Variants in NELL2 observed in about 807,000 individuals in gnomAD.
NELL2 encodes neural EGFL like 2, also known as protein kinase C-binding protein NELL2.
A neutral mutation model predicts 109.6 loss-of-function variants in NELL2; 41 were observed. That is an observed-to-expected ratio of 0.37 (90% CI 0.29 to 0.49). The LOEUF is 0.49. Among genes scored for constraint, NELL2 ranks in the 20% least tolerant of loss-of-function variants. NELL2 has a pLI of 0.98. For missense variants in NELL2, 900 were observed against 1,008.3 expected, an observed-to-expected ratio of 0.89 and a Z score of 1.45; for synonymous variants, 355 against 344.7, an observed-to-expected ratio of 1.03 and a Z score of -0.33.
intron 15 of NELL2, among the ~76,000 whole-genome samples, chr12:44,576,543 T>C (rs547885461): frequency 9.6e-5 from 13 of 135,454 alleles, no homozygotes; most frequent in East Asian, 2.0e-4. Flanking sequence ...TACCTTCTCT[T>C]TTTTTTTTTT....
At chr12:44,862,347 C>A (rs1025914716) in intron 2 of NELL2, among the ~76,000 whole-genome samples, 1 of 152,152 alleles carries the variant, frequency 6.6e-6, no homozygotes, top group Non-Finnish European at 1.5e-5. Flanking sequence ...AGTGGTATTT[C>A]CATTTAAAAA....
In NELL2 at chr12:44,665,527, G is replaced by C. The variant is rs138454729; in HGVS notation, c.1401C>G (p.Ile467Met). Residue 467 changes from isoleucine (I) to methionine (M), a missense_variant, in exon 13 of 20, where the codon ATC (isoleucine) becomes ATG (methionine). Ile to Met is a conservative substitution (Grantham distance 10, BLOSUM62 1). This residue lies in a region of NELL2 where 292 missense variants were observed against 265.3 expected (regional missense o/e 1.10). Coordinates refer to ENST00000429094, the MANE Select transcript of NELL2 (RefSeq NM_001145108.2). ...CVNTPGSFMC[I>M]CKTGYIRIDD... ...CAATTCTGATGTATCCAGTTTTGCA[G>C]ATGCACATAAAAGAACCCGGGGTGT... 2,684 of 1,613,584 alleles carry C rather than the reference G, an allele frequency of 1.7e-3. 4 individuals carry two copies. The highest frequency in any genetic ancestry group is 4.1e-3 in the Admixed American group (244 of 60,002).
chr12:44,517,477 C>T lies in NELL2; in HGVS notation c.2400+2528G>A, dbSNP rs147029812. On this transcript the variant is annotated intron_variant, in intron 19 of 19. Coordinates refer to ENST00000429094, the MANE Select transcript of NELL2 (RefSeq NM_001145108.2). ...CCCGAAGCAGACCATGGTACTGTTT[C>T]CTATAGACCCTGCAGAACTGTAAGC... Among the ~76,000 whole-genome samples, 368 of 149,860 alleles carry T rather than the reference C, an allele frequency of 2.5e-3. 1 individual carries two copies. The highest frequency in any genetic ancestry group is 8.4e-3 in the African/African-American group (345 of 40,998).
intron 2 of NELL2, among the ~76,000 whole-genome samples, chr12:44,872,571 G>A (rs1945193950): frequency 6.6e-6 from 1 of 152,066 alleles, no homozygotes; most frequent in Admixed American, 6.6e-5. Flanking sequence ...ACAAGGAAAA[G>A]CAATATTAAA....
At chr12:44,538,403 T>C (rs1165673039) in intron 15 of NELL2, among the ~76,000 whole-genome samples, 1 of 152,222 alleles carries the variant, frequency 6.6e-6, no homozygotes, top group African/African-American at 2.4e-5. Context: ...GCACATTCCA[T>C]GCCCATCTCC....
intron 3 of NELL2, among the ~76,000 whole-genome samples, chr12:44,813,405 A>G (rs11182696): frequency 0.015 from 2,274 of 152,300 alleles, 57 homozygotes; most frequent in African/African-American, 0.053. Context: ...TAATATCTAC[A>G]TAATTTATAA....
At chr12:44,835,401 C>T (rs988960626) in intron 2 of NELL2, among the ~76,000 whole-genome samples, 3 of 152,174 alleles carry the variant, frequency 2.0e-5, no homozygotes, top group Admixed American at 6.5e-5. Flanking sequence ...AGAGCAGAAA[C>T]GGTGCAGCAG....
rs144936197 is a variant in NELL2 at position 44,799,684 on chromosome 12, G to A, written c.335+16302C>T. Among the ~76,000 whole-genome samples, 25 of 152,186 alleles carry A rather than the reference G, an allele frequency of 1.6e-4. No individual in the cohort carries two copies. The East Asian group carries it at 4.8e-3, about 29-fold the overall frequency. On this transcript the variant is annotated intron_variant, in intron 3 of 19. Transcript: ENST00000429094. ...TGTTCATTTAAATATAAGTACTAGTGGTCCTATTCTGAAGGGTTTTCAGGT... is the reference window on the plus strand; with the variant it reads ...TGTTCATTTAAATATAAGTACTAGTAGTCCTATTCTGAAGGGTTTTCAGGT...
chr12:44,615,748 G>A (rs1386873418), intron 13 of NELL2, among the ~76,000 whole-genome samples: 1 of 151,922 alleles, frequency 6.6e-6, no homozygotes, highest in East Asian at 1.9e-4. Context: ...TCTCTTTACT[G>A]TATTTTATAC....
chr12:44,729,345 T>G (rs1228442195), intron 9 of NELL2, among the ~76,000 whole-genome samples: 2 of 151,910 alleles, frequency 1.3e-5, no homozygotes, highest in South Asian at 4.2e-4. Flanking sequence ...TTCCTATTGA[T>G]GATACACAAA....
At chr12:44,563,266 A>G (rs1268269862) in intron 15 of NELL2, among the ~76,000 whole-genome samples, 1 of 152,150 alleles carries the variant, frequency 6.6e-6, no homozygotes, top group Non-Finnish European at 1.5e-5. Context: ...ATACCTATGT[A>G]ACAAACCTGC....
At chr12:44,513,513 C>A (rs570526792) in intron 19 of NELL2, among the ~76,000 whole-genome samples, 6 of 151,644 alleles carry the variant, frequency 4.0e-5, no homozygotes, top group African/African-American at 1.2e-4. Flanking sequence ...TAAATATGCT[C>A]AAAAATGTTA....
intron 9 of NELL2, among the ~76,000 whole-genome samples, chr12:44,754,460 T>C (rs1378390734): frequency 6.6e-6 from 1 of 152,210 alleles, no homozygotes; most frequent in Admixed American, 6.5e-5. Flanking sequence ...TACATTCAGA[T>C]AAATGCCAAG....
intron 2 of NELL2, among the ~76,000 whole-genome samples, chr12:44,863,326 G>C (rs1944896553): frequency 1.3e-5 from 2 of 152,112 alleles, no homozygotes; most frequent in Non-Finnish European, 2.9e-5. Context: ...TCTTCAATCA[G>C]ATTCAATCCA....
chr12:44,826,723 A>G (rs1003234886), intron 2 of NELL2, among the ~76,000 whole-genome samples: 1 of 152,212 alleles, frequency 6.6e-6, no homozygotes, highest in African/African-American at 2.4e-5. Flanking sequence ...CGTTTCTATG[A>G]ACTTACAAAA....
At chr12:44,729,761 G>A (rs763468362) in intron 9 of NELL2, among the ~76,000 whole-genome samples, 17 of 151,424 alleles carry the variant, frequency 1.1e-4, no homozygotes, top group South Asian at 2.1e-4. Flanking sequence ...GATTACAGGC[G>A]TGAACCACCA....
At chr12:44,780,525 A>C (rs1050837820) in intron 3 of NELL2, among the ~76,000 whole-genome samples, 6 of 151,860 alleles carry the variant, frequency 4.0e-5, no homozygotes, top group Non-Finnish European at 7.4e-5. Flanking sequence ...GTAACACCAG[A>C]ATAGTGTCAG....
At chr12:44,747,241 T>C (rs554097374) in intron 9 of NELL2, among the ~76,000 whole-genome samples, 52 of 151,974 alleles carry the variant, frequency 3.4e-4, no homozygotes, top group African/African-American at 1.1e-3. Context: ...TATGTGGGAA[T>C]TGAACAATGA....
In NELL2 at chr12:44,693,189, T is replaced by C. The variant is rs927631499; in HGVS notation, c.1318+10537A>G. Among the ~76,000 whole-genome samples, 6 of 152,338 alleles carry C rather than the reference T, an allele frequency of 3.9e-5. No individual in the cohort carries two copies. The East Asian group carries it at 7.7e-4, about 20-fold the overall frequency. ...CTTGATCAGTCAGCAGCCATCAACA[T>C]TGAGGCAAGACCCTCCATCAGCAAA... On this transcript the variant is annotated intron_variant, in intron 12 of 19. Transcript: ENST00000429094.
Sources: gnomAD v4.1 joint callset for allele counts (sites outside exome capture counted in the v4.1 genomes callset) on GRCh38, gnomAD v4.1.1 for gene constraint, gnomAD v4.1.1 regional missense constraint, MANE v1.5 for transcripts, NCBI Gene and HGNC (gene_info 2026-07-23, HGNC 2026-07-21) for gene names.